Variants in GAREM1 observed in about 807,000 individuals in gnomAD.
GAREM1 encodes the protein GRB2-associated and regulator of MAPK protein 1.
GAREM1 carries 26 observed loss-of-function variants against 71.3 expected under a neutral mutation model. That is an observed-to-expected ratio of 0.36 (90% CI 0.27 to 0.51). GAREM1 has a LOEUF of 0.51. Ranked by LOEUF, GAREM1 falls within the 20% of genes least tolerant of loss-of-function variation. The probability of loss-of-function intolerance (pLI) is 0.95; values close to 1 mark genes in which losing one functional copy is unlikely to be tolerated. For synonymous variants in GAREM1, 440 were observed against 433.2 expected (o/e 1.02, Z -0.20); for missense variants, 1,026 against 1,103.1 (o/e 0.93, Z 0.99).
At chr18:32,339,254 T>G (rs969080494) in intron 2 of GAREM1, among the ~76,000 whole-genome samples, 3 of 152,180 alleles carry the variant, frequency 2.0e-5, no homozygotes, top group African/African-American at 7.2e-5. Context: ...ATATTGACCT[T>G]TGCTTCCACT....
intron 2 of GAREM1, among the ~76,000 whole-genome samples, chr18:32,354,675 G>A (rs189940161): frequency 2.6e-5 from 4 of 152,304 alleles, no homozygotes; most frequent in Admixed American, 6.5e-5. Context: ...CCCTCCACTG[G>A]CTAAACATGG....
At chr18:32,333,375 A>G (rs1428674015) in intron 2 of GAREM1, among the ~76,000 whole-genome samples, 1 of 152,164 alleles carries the variant, frequency 6.6e-6, no homozygotes, top group Non-Finnish European at 1.5e-5. Flanking sequence ...AGGAGTCCCA[A>G]GGAGAGTTCT....
chr18:32,421,753 C>T (rs2048521567), intron 1 of GAREM1, among the ~76,000 whole-genome samples: 2 of 152,116 alleles, frequency 1.3e-5, no homozygotes, highest in Admixed American at 1.3e-4. Context: ...TCTCCTCTGT[C>T]ATATTTGCAA....
intron 3 of GAREM1, among the ~76,000 whole-genome samples, chr18:32,304,752 C>T (rs1376969893): frequency 6.6e-6 from 1 of 152,172 alleles, no homozygotes; most frequent in Non-Finnish European, 1.5e-5. Context: ...TTGTGACCCG[C>T]CCATGGTCAG....
chr18:32,314,563 T>C (rs1018713901), intron 2 of GAREM1, among the ~76,000 whole-genome samples: 1 of 151,876 alleles, frequency 6.6e-6, no homozygotes, highest in South Asian at 2.1e-4. Flanking sequence ...TGCATACAGA[T>C]TGTCATTTCT....
intron 2 of GAREM1, among the ~76,000 whole-genome samples, chr18:32,332,275 G>C (rs1272035132): frequency 1.3e-5 from 2 of 151,860 alleles, no homozygotes; most frequent in Non-Finnish European, 2.9e-5. Context: ...GCTCTGAGCA[G>C]CTTGGGTCTG....
intron 2 of GAREM1, among the ~76,000 whole-genome samples, chr18:32,314,940 T>A (rs902660285): frequency 2.0e-5 from 3 of 152,190 alleles, no homozygotes; most frequent in African/African-American, 7.2e-5. Flanking sequence ...TTTCAAGCTA[T>A]CATTAAGCCA....
intron 1 of GAREM1, among the ~76,000 whole-genome samples, chr18:32,442,758 A>G (rs1032948578): frequency 3.9e-5 from 6 of 152,176 alleles, no homozygotes; most frequent in African/African-American, 1.4e-4. Context: ...GCTGATGGGA[A>G]GAGAGATGCT....
At chr18:32,354,812 A>C (rs1325708288) in intron 2 of GAREM1, among the ~76,000 whole-genome samples, 6 of 152,198 alleles carry the variant, frequency 3.9e-5, no homozygotes, top group Non-Finnish European at 8.8e-5. Flanking sequence ...AGAAACCAGA[A>C]GACACAGGCA....
intron 2 of GAREM1, among the ~76,000 whole-genome samples, chr18:32,348,129 C>T (rs2047713614): frequency 6.6e-6 from 1 of 152,162 alleles, no homozygotes; most frequent in South Asian, 2.1e-4. Flanking sequence ...CAAAAGGATA[C>T]ATTTGCCATA....
intron 4 of GAREM1, among the ~76,000 whole-genome samples, chr18:32,285,802 G>A (rs183304503): frequency 6.6e-6 from 1 of 152,280 alleles, no homozygotes; most frequent in East Asian, 1.9e-4. Flanking sequence ...AGGTTTTCTT[G>A]ATGATTGTAT....
At chr18:32,417,864 AT>A (rs2048479589) in intron 1 of GAREM1, among the ~76,000 whole-genome samples, 1 of 152,240 alleles carries the variant, frequency 6.6e-6, no homozygotes. Flanking sequence ...ACATTTAAAA[AT>A]AACTAAAAGT....
At chr18:32,403,173 G>A (rs890811297) in intron 1 of GAREM1, among the ~76,000 whole-genome samples, 11 of 152,116 alleles carry the variant, frequency 7.2e-5, no homozygotes, top group African/African-American at 9.7e-5. Context: ...CTCCCAAAGC[G>A]CTGGGATTAC....
At chr18:32,354,216 T>A (rs1598983873) in intron 2 of GAREM1, among the ~76,000 whole-genome samples, 1 of 152,310 alleles carries the variant, frequency 6.6e-6, no homozygotes, top group African/African-American at 2.4e-5. Context: ...TGAAAGAAGT[T>A]CATAGCTTTT....
At chr18:32,360,413 A>AG (rs1487765338) in intron 2 of GAREM1, among the ~76,000 whole-genome samples, 1 of 152,128 alleles carries the variant, frequency 6.6e-6, no homozygotes, top group Non-Finnish European at 1.5e-5. Flanking sequence ...CTCATTTAAG[A>AG]GGAAAACACT....
At chr18:32,274,958 C>T (rs994073855) in intron 4 of GAREM1, among the ~76,000 whole-genome samples, 5 of 113,192 alleles carry the variant, frequency 4.4e-5, no homozygotes, top group Non-Finnish European at 9.8e-5. Context: ...ACAAAAAATA[C>T]AAAAAAAAAA....
At chr18:32,359,330 C>A (rs2047838413) in intron 2 of GAREM1, among the ~76,000 whole-genome samples, 1 of 152,138 alleles carries the variant, frequency 6.6e-6, no homozygotes, top group Non-Finnish European at 1.5e-5. Flanking sequence ...ACTTGTATAT[C>A]TTATCTACTG....
At chr18:32,339,460 C>T (rs1274454137) in intron 2 of GAREM1, among the ~76,000 whole-genome samples, 1 of 152,214 alleles carries the variant, frequency 6.6e-6, no homozygotes, top group East Asian at 1.9e-4. Flanking sequence ...TAAAAAAGCA[C>T]TTGCAGGCAG....
intron 1 of GAREM1, among the ~76,000 whole-genome samples, chr18:32,401,841 G>A (rs2048318986): frequency 6.6e-6 from 1 of 152,182 alleles, no homozygotes; most frequent in African/African-American, 2.4e-5. Context: ...AGAAACAACT[G>A]CAGTCAAGTT....
Sources: allele counts gnomAD v4.1 joint callset (sites outside exome capture counted in the v4.1 genomes callset), GRCh38; gene constraint gnomAD v4.1.1; transcripts MANE v1.5; gene names NCBI Gene and HGNC (gene_info 2026-07-23, HGNC 2026-07-21).